ROBO2: variants seen among roughly 807,000 people sequenced by gnomAD.
ROBO2 encodes roundabout homolog 2.
Under a neutral mutation model 160.8 loss-of-function variants are expected in ROBO2, and 53 were observed. The ratio of observed to expected loss-of-function variants is 0.33; its 90% CI spans 0.26 to 0.41. ROBO2 has a LOEUF of 0.41. Among genes scored for constraint, ROBO2 ranks in the 10% least tolerant of loss-of-function variants. The pLI, the probability that ROBO2 is intolerant of heterozygous loss-of-function variation, is 1.00. For missense variants in ROBO2, 1,577 were observed against 1,722.4 expected (o/e 0.92, Z 1.49); for synonymous variants, 664 against 611.7 (o/e 1.09, Z -1.26).
intron 2 of ROBO2, among the ~76,000 whole-genome samples, chr3:77,454,486 T>C (rs2081420076): frequency 2.0e-5 from 3 of 152,176 alleles, no homozygotes; most frequent in South Asian, 2.1e-4. Flanking sequence ...GTCATTCTTA[T>C]ACATTTGAGG....
intron 2 of ROBO2, among the ~76,000 whole-genome samples, chr3:76,065,772 T>C (rs1047334421): frequency 2.7e-5 from 4 of 145,878 alleles, no homozygotes; most frequent in East Asian, 2.1e-4. Context: ...CACACACACA[T>C]ATATGCTGCC....
chr3:76,385,455 GCA>G (rs1288970854), intron 2 of ROBO2, among the ~76,000 whole-genome samples: 2 of 152,160 alleles, frequency 1.3e-5, no homozygotes, highest in Admixed American at 6.5e-5. Flanking sequence ...TACAGAAACT[GCA>G]CAGTCTGTCA....
chr3:76,101,836 T>C (rs2069698796), intron 2 of ROBO2, among the ~76,000 whole-genome samples: 1 of 147,438 alleles, frequency 6.8e-6, no homozygotes, highest in South Asian at 2.2e-4. Flanking sequence ...CGGGGTGTGA[T>C]GTTCCCCTTC....
At chr3:77,436,987 C>T (rs12634690) in intron 2 of ROBO2, among the ~76,000 whole-genome samples, 42,472 of 151,824 alleles carry the variant, frequency 0.28, 6,652 homozygotes, top group Non-Finnish European at 0.35. Context: ...CAATTGTATA[C>T]ACATGATTTT....
intron 2 of ROBO2, among the ~76,000 whole-genome samples, chr3:76,296,669 A>G (rs1709092475): frequency 6.6e-6 from 1 of 152,214 alleles, no homozygotes; most frequent in South Asian, 2.1e-4. Flanking sequence ...AATCAGCATT[A>G]TGTCAGTATT....
At chr3:76,182,439 C>T (rs139443200) in intron 2 of ROBO2, among the ~76,000 whole-genome samples, 3 of 152,200 alleles carry the variant, frequency 2.0e-5, no homozygotes, top group Non-Finnish European at 2.9e-5. Context: ...TGGGGAGTGA[C>T]GAGCTAAGAC....
chr3:76,190,803 T>C (rs545775809), intron 2 of ROBO2, among the ~76,000 whole-genome samples: 1 of 152,256 alleles, frequency 6.6e-6, no homozygotes, highest in East Asian at 1.9e-4. Context: ...TAATATTTTC[T>C]TTCCCTTTCT....
chr3:77,644,886 C>G (rs371413365), exon 25 of ROBO2: 1 of 1,613,944 alleles, frequency 6.2e-7, no homozygotes, highest in African/African-American at 1.3e-5. Flanking sequence ...CAGTCAAGGA[C>G]AGTTTACAGG....
At position 76,034,467 on chromosome 3, in the gene ROBO2, A is replaced by G. The variant is rs531925967; in HGVS notation, c.109+96865A>G. Among the ~76,000 whole-genome samples the G allele has an allele frequency of 3.3e-5, 5 of 152,342 alleles. No individual in the cohort carries two copies. In the South Asian group the frequency reaches 1.0e-3, roughly 32 times the overall value. On this transcript the variant is annotated intron_variant, in intron 2 of 26. Coordinates refer to the ROBO2 transcript ENST00000487694. Reference sequence around the variant, plus strand: ...ATAAGATGTGGAGACTAGGTTATGTATCCTTGCAGATAAGCACACTCAGAA... The same window carrying G: ...ATAAGATGTGGAGACTAGGTTATGTGTCCTTGCAGATAAGCACACTCAGAA...
intron 2 of ROBO2, among the ~76,000 whole-genome samples, chr3:76,838,437 A>T (rs1027379237): frequency 6.6e-6 from 1 of 152,108 alleles, no homozygotes; most frequent in African/African-American, 2.4e-5. Context: ...GAGGTTTTGC[A>T]TTAAAATGCC....
At chr3:77,323,934 T>G (rs565552042) in intron 2 of ROBO2, among the ~76,000 whole-genome samples, 2 of 152,316 alleles carry the variant, frequency 1.3e-5, no homozygotes, top group South Asian at 4.1e-4. Context: ...TAGGTCAATT[T>G]TTATAACCAT....
intron 2 of ROBO2, among the ~76,000 whole-genome samples, chr3:76,868,534 G>T (rs2071629270): frequency 6.6e-6 from 1 of 152,130 alleles, no homozygotes; most frequent in Admixed American, 6.5e-5. Flanking sequence ...ATAAAAAATT[G>T]CATGGGTAAT....
At chr3:77,551,098 T>A in intron 8 of ROBO2, 109 bp downstream of exon 9, 1 of 1,193,392 alleles carries the variant, frequency 8.4e-7, no homozygotes. Flanking sequence ...TATGTATGCT[T>A]ATCTTTTAAG....
At chr3:75,975,639 T>C (rs1285939328) in intron 2 of ROBO2, among the ~76,000 whole-genome samples, 1 of 151,558 alleles carries the variant, frequency 6.6e-6, no homozygotes, top group Non-Finnish European at 1.5e-5. Flanking sequence ...TGACATTTAA[T>C]CAACAATGTG....
chr3:76,149,848 G>A (rs1458454257), intron 2 of ROBO2, among the ~76,000 whole-genome samples: 1 of 71,842 alleles, frequency 1.4e-5, no homozygotes, highest in African/African-American at 5.3e-5. Context: ...TCTGTCTAAA[G>A]CACACATCAT....
chr3:77,635,307 A>G (rs1383894091), intron 24 of ROBO2, among the ~76,000 whole-genome samples: 1 of 151,008 alleles, frequency 6.6e-6, no homozygotes, highest in African/African-American at 2.4e-5. Context: ...GGCATATTTC[A>G]TAAATGCTTT....
intron 1 of ROBO2, among the ~76,000 whole-genome samples, chr3:77,066,990 A>G (rs1379142183): frequency 4.7e-5 from 7 of 149,246 alleles, no homozygotes; most frequent in South Asian, 2.1e-4. Flanking sequence ...CACCCCTGCA[A>G]CACACACATA....
rs367753161 is a variant in ROBO2 at position 76,317,743 on chromosome 3, T to C, written c.109+380141T>C. The stretch of plus-strand genomic sequence containing the variant: ...AAAGATTATTAGAGTATTTTTTATA[T>C]ATAGTAATTGAAGAATATGCTTAGC... On this transcript the variant is annotated intron_variant, in intron 2 of 26. Coordinates refer to the ROBO2 transcript ENST00000487694. 2.6e-5 allele frequency among the ~76,000 whole-genome samples: 4 copies of C among 152,216 alleles called. 1 individual carries two copies. The highest frequency in any genetic ancestry group is 2.1e-4 in the South Asian group (1 of 4,832).
chr3:77,144,798 A>G (rs2076992122), intron 2 of ROBO2, among the ~76,000 whole-genome samples: 1 of 152,204 alleles, frequency 6.6e-6, no homozygotes, highest in Non-Finnish European at 1.5e-5. Flanking sequence ...TGCTTTTGTG[A>G]TAAACTTAAA....
Sources: allele counts gnomAD v4.1 joint callset (sites outside exome capture counted in the v4.1 genomes callset), GRCh38; gene constraint gnomAD v4.1.1; transcripts MANE v1.5; gene names NCBI Gene and HGNC (gene_info 2026-07-23, HGNC 2026-07-21).